The following SPECC1 variants were observed in gnomAD, a reference collection of about 807,000 sequenced individuals.
SPECC1 encodes the protein cytospin-B.
Under a neutral mutation model 104.1 loss-of-function variants are expected in SPECC1, and 62 were observed. The observed-to-expected ratio is 0.60, with a 90% CI of 0.49 to 0.74. The LOEUF (loss-of-function observed/expected upper bound fraction) is 0.74. SPECC1 is among the 30% of genes least tolerant of loss of function. The pLI is 0.00. For synonymous variants in SPECC1, 513 were observed against 501.6 expected, an observed-to-expected ratio of 1.02 and a Z score of -0.30; for missense variants, 1,306 against 1,310.5, an observed-to-expected ratio of 1.00 and a Z score of 0.05.
intron 1 of SPECC1, among the ~76,000 whole-genome samples, chr17:20,076,036 G>A (rs539777464): frequency 2.1e-4 from 32 of 152,120 alleles, no homozygotes; most frequent in Non-Finnish European, 3.7e-4. Flanking sequence ...AGGATCACTC[G>A]TACCTAGGAA....
In SPECC1 at chr17:20,084,418, A is replaced by T. The variant is rs150386828; in HGVS notation, c.-21-12213A>T. On this transcript the variant is annotated intron_variant, in intron 1 of 14. Transcript: ENST00000395527. ...CCATTGCACTCCAGCCTGGGCGACAAGGGGAAGACTCCGTCTCAATAAATA... is the reference window on the plus strand; with the variant it reads ...CCATTGCACTCCAGCCTGGGCGACATGGGGAAGACTCCGTCTCAATAAATA... Among the ~76,000 whole-genome samples the T allele has an allele frequency of 1.5e-3, 223 of 152,284 alleles. 1 individual carries two copies. In the East Asian group the frequency reaches 0.018, roughly 12 times the overall value.
rs557601962 is a variant in SPECC1, at chr17:20,285,138, C to T, written c.2941-11823C>T. ...TTTTACCAAATGTTAATAACCAAGGCAAGGCAAGTAACCAGGCAACCAAGG... is the reference window on the plus strand; with the variant it reads ...TTTTACCAAATGTTAATAACCAAGGTAAGGCAAGTAACCAGGCAACCAAGG... On this transcript the variant is annotated intron_variant, in intron 12 of 14. Coordinates refer to ENST00000395527, the MANE Select transcript of SPECC1 (RefSeq NM_001243439.2). 3.7e-4 allele frequency among the ~76,000 whole-genome samples: 57 copies of T among 152,298 alleles called. 2 individuals carry two copies. In the South Asian group the frequency reaches 0.012, roughly 32 times the overall value.
At chr17:20,210,104 G>A (rs2037037637) in intron 4 of SPECC1, among the ~76,000 whole-genome samples, 1 of 152,172 alleles carries the variant, frequency 6.6e-6, no homozygotes, top group Admixed American at 6.5e-5. Flanking sequence ...GTGGCCAGTG[G>A]TCAGAGATGG....
chr17:20,065,861 A>G (rs1759604766), intron 1 of SPECC1, among the ~76,000 whole-genome samples: 1 of 152,174 alleles, frequency 6.6e-6, no homozygotes. Flanking sequence ...TCAGAGAGAG[A>G]GAGAGATTCT....
At chr17:20,171,508 A>G (rs2034086709) in intron 3 of SPECC1, among the ~76,000 whole-genome samples, 1 of 152,202 alleles carries the variant, frequency 6.6e-6, no homozygotes, top group African/African-American at 2.4e-5. Context: ...AAGTATCACA[A>G]ACATGCCTTT....
chr17:20,204,217 AATGG>A (rs1447801246), intron 3 of SPECC1, 112 bp from the exon 4 acceptor site: 1 of 1,267,144 alleles, frequency 7.9e-7, no homozygotes, highest in East Asian at 2.3e-5. Flanking sequence ...AGGAGGAGGA[AATGG>A]ATGAAGAGCG....
intron 12 of SPECC1, among the ~76,000 whole-genome samples, chr17:20,286,500 C>A (rs1396190480): frequency 6.6e-6 from 1 of 152,174 alleles, no homozygotes; most frequent in African/African-American, 2.4e-5. Flanking sequence ...CCAGATTTCA[C>A]CCCTCTCTAC....
chr17:20,021,546 C>A (rs2044373923), intron 1 of SPECC1, among the ~76,000 whole-genome samples: 2 of 151,758 alleles, frequency 1.3e-5, no homozygotes, highest in Admixed American at 1.3e-4. Flanking sequence ...AGGAGTAGGA[C>A]TGCCTGGTCG....
chr17:20,267,599 G>GA (rs888726994), intron 12 of SPECC1, among the ~76,000 whole-genome samples: 6 of 152,206 alleles, frequency 3.9e-5, no homozygotes, highest in African/African-American at 1.4e-4. Flanking sequence ...CAAAGCATGA[G>GA]AAGGACTCTG....
chr17:20,097,548 T>G (rs117748381), intron 2 of SPECC1, among the ~76,000 whole-genome samples: 2 of 152,280 alleles, frequency 1.3e-5, no homozygotes, highest in East Asian at 3.9e-4. Context: ...GCAGACTGAT[T>G]TGAATTGTGT....
chr17:20,317,259 A>ATTTTTTTTTTTTTTTTTTTTTGTTTT lies in SPECC1; in HGVS notation c.*3216_*3217insTTTTTTTTTTTTTTTTTTTTTTTTTG. ...GCAAGACCTCTGACTCTATAAAAAAATTTTTTTTTTTTTTTTTTTTTGAGA... is the reference window on the plus strand; with the variant it reads ...GCAAGACCTCTGACTCTATAAAAAAATTTTTTTTTTTTTTTTTTTTTGTTTTTTTTTTTTTTTTTTTTTTTTTGAGA... On this transcript the variant is annotated 3_prime_UTR_variant, in exon 15 of 15. Coordinates refer to ENST00000395527, the MANE Select transcript of SPECC1 (RefSeq NM_001243439.2). The ATTTTTTTTTTTTTTTTTTTTTGTTTT allele has an allele frequency of 2.9e-5, 2 of 69,506 alleles. 1 individual carries two copies. The highest frequency in any genetic ancestry group is 4.7e-5 in the Non-Finnish European group (2 of 42,610). The allele number at this position is 69,506 out of a possible 1,614,324, so 4.3% of individuals were successfully genotyped here.
At position 20,299,009 on chromosome 17, in the gene SPECC1, G is replaced by A. The variant is rs1226073458; in HGVS notation, c.3057+1932G>A. ...GAGAGAGAGAGAGGTGGGGGCTGGG[G>A]AGAGAGATTTATTCTAAGGAACTAG... On this transcript the variant is annotated intron_variant, in intron 13 of 14. Transcript: ENST00000395527. Among the ~76,000 whole-genome samples, 3 of 139,942 alleles carry A rather than the reference G, an allele frequency of 2.1e-5. 1 individual carries two copies. Among genetic ancestry groups the A allele is most frequent in the Non-Finnish European group, 4.7e-5 (3 of 64,318 alleles). The allele number at this position is 139,942 out of a possible 152,430, so 91.8% of individuals were successfully genotyped here.
rs569199995 is a variant in SPECC1, at chr17:20,314,288, G to C, written c.*223G>C. On this transcript the variant is annotated 3_prime_UTR_variant, in exon 15 of 15. Coordinates refer to ENST00000395527, the MANE Select transcript of SPECC1 (RefSeq NM_001243439.2). ...CTGGACTGTAAATTGGGGACTCTTT[G>C]ATCTCTTGTGGGATGCTTCTAAAGA... is the stretch of plus-strand genomic sequence containing the variant. 3.8e-3 allele frequency: 2,181 copies of C among 574,528 alleles called. 7 individuals carry two copies. Among genetic ancestry groups the C allele is most frequent in the Middle Eastern group, 0.012 (25 of 2,122 alleles). The allele number at this position is 574,528 out of a possible 1,614,324, so 35.6% of individuals were successfully genotyped here.
intron 1 of SPECC1, among the ~76,000 whole-genome samples, chr17:20,020,624 G>A (rs989298199): frequency 1.3e-5 from 2 of 152,186 alleles, no homozygotes; most frequent in South Asian, 2.1e-4. Flanking sequence ...GAGCCTCCAC[G>A]CCTGGCCCTC....
intron 3 of SPECC1, among the ~76,000 whole-genome samples, chr17:20,184,010 A>T (rs1007548776): frequency 4.3e-5 from 6 of 138,004 alleles, no homozygotes; most frequent in Non-Finnish European, 9.4e-5. Context: ...ATCTCTACTT[A>T]AAAAAAAAAA....
intron 3 of SPECC1, among the ~76,000 whole-genome samples, chr17:20,178,203 A>G (rs1327524810): frequency 6.6e-6 from 1 of 152,168 alleles, no homozygotes; most frequent in Non-Finnish European, 1.5e-5. Context: ...ATTTTAAATA[A>G]TACTAACACA....
intron 13 of SPECC1, among the ~76,000 whole-genome samples, chr17:20,298,921 A>AGAGAGAGAGAGAGAG: frequency 1.4e-5 from 1 of 72,792 alleles, no homozygotes; most frequent in East Asian, 1.9e-3. Flanking sequence ...GCAGAACCAA[A>AGAGAGAGAGAGAGAG]AGAGAGAGAG....
chr17:20,016,573 C>A (rs111469680), intron 1 of SPECC1, among the ~76,000 whole-genome samples: 14,403 of 152,236 alleles, frequency 0.095, 782 homozygotes, highest in Non-Finnish European at 0.12. Flanking sequence ...GCCGGCCAGC[C>A]GGCCCCAACG....
chr17:20,076,746 G>A (rs1389191362), intron 1 of SPECC1, among the ~76,000 whole-genome samples: 2 of 152,164 alleles, frequency 1.3e-5, no homozygotes, highest in Non-Finnish European at 2.9e-5. Flanking sequence ...ATGGTGCTTG[G>A]TGTGTGTTGC....
Sources: allele counts gnomAD v4.1 joint callset (sites outside exome capture counted in the v4.1 genomes callset), GRCh38; gene constraint gnomAD v4.1.1; transcripts MANE v1.5; gene names NCBI Gene and HGNC (gene_info 2026-07-23, HGNC 2026-07-21).